PCDH15: variants seen among roughly 807,000 people sequenced by gnomAD.
PCDH15 encodes protocadherin related 15, also known as protocadherin-15.
Under a neutral mutation model 178.5 loss-of-function variants are expected in PCDH15, and 129 were observed. The observed-to-expected ratio is 0.72, with a 90% CI of 0.63 to 0.84. PCDH15 has a LOEUF of 0.84. Among genes scored for constraint, PCDH15 ranks in the 40% least tolerant of loss-of-function variants. The pLI, the probability that PCDH15 is intolerant of heterozygous loss-of-function variation, is 0.00. For missense variants in PCDH15, 2,230 were observed against 2,099.9 expected (o/e 1.06, Z -1.21); for synonymous variants, 800 against 732.0 (o/e 1.09, Z -1.50).
intron 1 of PCDH15, among the ~76,000 whole-genome samples, chr10:55,298,711 G>A (rs889320462): frequency 6.6e-6 from 1 of 151,982 alleles, no homozygotes; most frequent in African/African-American, 2.4e-5. Flanking sequence ...CTCCCGAGTA[G>A]CTGGGACTAC....
At chr10:54,068,036 T>TG (rs992503650) in intron 17 of PCDH15, among the ~76,000 whole-genome samples, 18 of 152,172 alleles carry the variant, frequency 1.2e-4, no homozygotes, top group East Asian at 1.2e-3. Context: ...TGCTTTCTGT[T>TG]GGGGTCACAG....
intron 2 of PCDH15, among the ~76,000 whole-genome samples, chr10:54,641,267 CA>C (rs1422064502): frequency 6.6e-6 from 1 of 152,048 alleles, no homozygotes. Context: ...ACAAAATAAT[CA>C]CTTCTATAAA....
intron 1 of PCDH15, among the ~76,000 whole-genome samples, chr10:55,252,177 C>G (rs1200600620): frequency 1.3e-5 from 2 of 152,142 alleles, no homozygotes; most frequent in African/African-American, 2.4e-5. Context: ...AGCATTTCCT[C>G]TCCTGTGACT....
intron 1 of PCDH15, among the ~76,000 whole-genome samples, chr10:54,677,564 T>C (rs1340115071): frequency 6.6e-6 from 1 of 152,036 alleles, no homozygotes; most frequent in Non-Finnish European, 1.5e-5. Flanking sequence ...CATAAGAATC[T>C]AAGTGTCCAT....
chr10:55,475,392 T>A (rs2132111659), intron 2 of PCDH15, among the ~76,000 whole-genome samples: 1 of 152,296 alleles, frequency 6.6e-6, no homozygotes, highest in South Asian at 2.1e-4. Flanking sequence ...AACAATATTA[T>A]AACAGATAAG....
intron 1 of PCDH15, among the ~76,000 whole-genome samples, chr10:55,245,741 A>G (rs1841664063): frequency 6.6e-6 from 1 of 152,124 alleles, no homozygotes; most frequent in Non-Finnish European, 1.5e-5. Flanking sequence ...AATATGATCA[A>G]CCCTATTAGA....
intron 11 of PCDH15, among the ~76,000 whole-genome samples, chr10:54,193,192 C>T (rs2049207925): frequency 6.6e-6 from 1 of 152,154 alleles, no homozygotes; most frequent in Admixed American, 6.6e-5. Flanking sequence ...GTGAGTACTA[C>T]TGTCTTTTAC....
intron 2 of PCDH15, among the ~76,000 whole-genome samples, chr10:55,349,606 G>A (rs779323115): frequency 1.3e-4 from 19 of 151,940 alleles, no homozygotes; most frequent in African/African-American, 4.1e-4. Context: ...TGAATTCAAT[G>A]AGAGATCAAA....
chr10:54,222,850 T>G lies in PCDH15; in HGVS notation c.986-8802A>C, dbSNP rs140804627. ...TTTTATTAAATTGTGTTTTCATATA[T>G]TCCCCAAACAAGTCACTTGTTGGAT... On this transcript the variant is annotated intron_variant, in intron 9 of 37. Coordinates refer to ENST00000644397, the MANE Select transcript of PCDH15 (RefSeq NM_001384140.1). 5.9e-5 allele frequency among the ~76,000 whole-genome samples: 9 copies of G among 152,358 alleles called. No individual in the cohort carries two copies. The East Asian group carries it at 1.5e-3, about 26-fold the overall frequency.
chr10:55,161,672 C>T (rs189934648), intron 2 of PCDH15, among the ~76,000 whole-genome samples: 1 of 152,010 alleles, frequency 6.6e-6, no homozygotes, highest in Admixed American at 6.6e-5. Context: ...CTTCTCTAAC[C>T]CTTTCATTAC....
intron 3 of PCDH15, among the ~76,000 whole-genome samples, chr10:54,491,002 C>T (rs1421837064): frequency 3.3e-5 from 5 of 152,032 alleles, no homozygotes; most frequent in African/African-American, 1.2e-4. Context: ...GGGATATTTC[C>T]TTAGTGACAG....
chr10:54,972,848 C>CAA (rs750356955), intron 2 of PCDH15, among the ~76,000 whole-genome samples: 734 of 51,994 alleles, frequency 0.014, 5 homozygotes, highest in Middle Eastern at 0.036. Context: ...GACTCCATCT[C>CAA]AAAAAAAAAA....
At chr10:54,298,667 A>T (rs1189261013) in intron 8 of PCDH15, among the ~76,000 whole-genome samples, 3 of 152,206 alleles carry the variant, frequency 2.0e-5, no homozygotes, top group Non-Finnish European at 4.4e-5. Flanking sequence ...AACAGGACTG[A>T]GGGTGCCTGG....
At chr10:54,842,394 A>T (rs1444658517) in intron 3 of PCDH15, among the ~76,000 whole-genome samples, 1 of 151,800 alleles carries the variant, frequency 6.6e-6, no homozygotes, top group Non-Finnish European at 1.5e-5. Context: ...ACACTTAGTA[A>T]TTTGTGACCT....
chr10:54,770,178 T>A (rs188949114), intron 1 of PCDH15, among the ~76,000 whole-genome samples: 1 of 152,256 alleles, frequency 6.6e-6, no homozygotes, highest in East Asian at 1.9e-4. Context: ...AGGGCATATG[T>A]TTCTGCATCT....
chr10:55,195,565 G>T (rs1840070331), intron 1 of PCDH15, among the ~76,000 whole-genome samples: 1 of 148,316 alleles, frequency 6.7e-6, no homozygotes, highest in African/African-American at 2.5e-5. Context: ...CTGAGGCAGA[G>T]AATTTCTTAA....
At chr10:54,084,698 GT>G (rs1274477944) in intron 16 of PCDH15, among the ~76,000 whole-genome samples, 1 of 151,724 alleles carries the variant, frequency 6.6e-6, no homozygotes, top group East Asian at 1.9e-4. Flanking sequence ...ATAAGTAACT[GT>G]TTTTCAAAAT....
chr10:54,877,966 T>G (rs1954181042), intron 3 of PCDH15, among the ~76,000 whole-genome samples: 2 of 35,282 alleles, frequency 5.7e-5, no homozygotes, highest in Non-Finnish European at 1.2e-4. Context: ...TTTTTTTTTT[T>G]TTTTTTTTTT....
At position 55,136,673 on chromosome 10, in the gene PCDH15, C is replaced by T. The variant is rs1287322296; in HGVS notation, c.-80+29903G>A. 6.6e-5 allele frequency among the ~76,000 whole-genome samples: 10 copies of T among 151,994 alleles called. No individual in the cohort carries two copies. In the East Asian group the frequency reaches 1.9e-3, roughly 29 times the overall value. ...AGAGAAATTTAATTTATAACTGCTT[C>T]AGTTACTCCTATGAGCCAAATTTCG... On this transcript the variant is annotated intron_variant, in intron 2 of 5. Coordinates refer to the PCDH15 transcript ENST00000458638.
Sources: gnomAD v4.1 joint callset for allele counts (sites outside exome capture counted in the v4.1 genomes callset) on GRCh38, gnomAD v4.1.1 for gene constraint, MANE v1.5 for transcripts, NCBI Gene and HGNC (gene_info 2026-07-23, HGNC 2026-07-21) for gene names.